Variants in COMMD10 observed in about 807,000 individuals in gnomAD.
COMMD10 encodes COMM domain containing 10, also known as COMM domain-containing protein 10.
COMMD10 carries 33 observed loss-of-function variants against 28.9 expected under a neutral mutation model. The observed-to-expected ratio is 1.14, with a 90% CI of 0.87 to 1.53. The LOEUF (loss-of-function observed/expected upper bound fraction) is 1.53. COMMD10 is among the 40% of genes most tolerant of loss of function. COMMD10 has a pLI of 0.00. For missense variants in COMMD10, 310 were observed against 233.4 expected (o/e 1.33, Z -2.14); for synonymous variants, 110 against 81.7 (o/e 1.35, Z -1.87).
At chr5:116,165,048 C>CTAA (rs1476505448) in intron 5 of COMMD10, among the ~76,000 whole-genome samples, 3 of 152,156 alleles carry the variant, frequency 2.0e-5, no homozygotes, top group African/African-American at 7.2e-5. Flanking sequence ...ATTTTTTAAA[C>CTAA]TTATTTAAGT....
intron 5 of COMMD10, among the ~76,000 whole-genome samples, chr5:116,164,252 A>T (rs1009184419): frequency 6.6e-6 from 1 of 151,602 alleles, no homozygotes; most frequent in Non-Finnish European, 1.5e-5. Flanking sequence ...ACCCAGGAGG[A>T]GGAGTTTGCA....
chr5:116,218,309 A>T (rs1749157904), intron 5 of COMMD10: 3 of 703,982 alleles, frequency 4.3e-6, no homozygotes, highest in Non-Finnish European at 5.3e-6. Context: ...GGTGGCAGTG[A>T]TGGTGGTGGG....
intron 5 of COMMD10, among the ~76,000 whole-genome samples, chr5:116,259,476 T>G (rs929945064): frequency 1.3e-5 from 2 of 151,718 alleles, no homozygotes; most frequent in Non-Finnish European, 1.5e-5. Flanking sequence ...CTGAGTGTTA[T>G]TTCTTCAATA....
intron 4 of COMMD10, among the ~76,000 whole-genome samples, chr5:116,119,334 G>T (rs772871176): frequency 6.6e-6 from 1 of 152,164 alleles, no homozygotes; most frequent in Admixed American, 6.6e-5. Context: ...TAAGGCATTT[G>T]CACTTCTTAT....
chr5:116,203,624 C>G lies in COMMD10; in HGVS notation c.510+69446C>G, dbSNP rs1466923685. 3.9e-5 allele frequency among the ~76,000 whole-genome samples: 6 copies of G among 152,192 alleles called. No individual in the cohort carries two copies. In the East Asian group the frequency reaches 1.2e-3, roughly 29 times the overall value. On this transcript the variant is annotated intron_variant, in intron 5 of 6. Coordinates refer to ENST00000274458, the MANE Select transcript of COMMD10 (RefSeq NM_016144.4). ...GAAAAGAATTTTCAACCCAGAATTT[C>G]ATATCCAACCAAACTAAGCTTCATG...
intron 5 of COMMD10, among the ~76,000 whole-genome samples, chr5:116,200,604 G>A (rs937503914): frequency 6.6e-6 from 1 of 151,230 alleles, no homozygotes; most frequent in Non-Finnish European, 1.5e-5. Context: ...TGGGTTTTTT[G>A]TTTTGTTTTG....
intron 5 of COMMD10, among the ~76,000 whole-genome samples, chr5:116,280,570 T>C (rs774570290): frequency 1.8e-4 from 27 of 151,966 alleles, no homozygotes; most frequent in Middle Eastern, 3.4e-3. Context: ...ACATTCATCT[T>C]TGTATCATGA....
At chr5:116,099,625 A>T (rs1012509532) in intron 4 of COMMD10, among the ~76,000 whole-genome samples, 1 of 151,936 alleles carries the variant, frequency 6.6e-6, no homozygotes, top group African/African-American at 2.4e-5. Context: ...TGTCTTTTTG[A>T]TAATAGGTAT....
At chr5:116,136,433 G>C (rs1169731633) in intron 5 of COMMD10, among the ~76,000 whole-genome samples, 1 of 152,126 alleles carries the variant, frequency 6.6e-6, no homozygotes, top group African/African-American at 2.4e-5. Context: ...AGTCTGCGTA[G>C]CTAAAAGCAT....
chr5:116,196,299 G>A (rs1052526358), intron 5 of COMMD10, among the ~76,000 whole-genome samples: 3 of 152,030 alleles, frequency 2.0e-5, no homozygotes, highest in Non-Finnish European at 2.9e-5. Context: ...TAAGCTATGA[G>A]GACACAGAGG....
intron 4 of COMMD10, among the ~76,000 whole-genome samples, chr5:116,133,036 C>T (rs1038550095): frequency 6.6e-6 from 1 of 152,044 alleles, no homozygotes; most frequent in Non-Finnish European, 1.5e-5. Flanking sequence ...TGCTGTGATT[C>T]TAGCTGTTGA....
chr5:116,237,039 A>G (rs1444810169), intron 5 of COMMD10, among the ~76,000 whole-genome samples: 1 of 152,138 alleles, frequency 6.6e-6, no homozygotes, highest in East Asian at 1.9e-4. Flanking sequence ...TATTGAATAG[A>G]ATGATCAAGG....
At chr5:116,122,679 C>G (rs1465937307) in intron 4 of COMMD10, among the ~76,000 whole-genome samples, 1 of 152,128 alleles carries the variant, frequency 6.6e-6, no homozygotes, top group East Asian at 1.9e-4. Context: ...TGTAGTTCTC[C>G]TTGAAGAGGT....
At chr5:116,113,182 T>A (rs1005690566) in intron 4 of COMMD10, among the ~76,000 whole-genome samples, 2 of 152,194 alleles carry the variant, frequency 1.3e-5, no homozygotes, top group Non-Finnish European at 2.9e-5. Context: ...CTGGGTAGTC[T>A]GCTGTTAGTT....
chr5:116,141,819 G>A (rs933083726), intron 5 of COMMD10, among the ~76,000 whole-genome samples: 9 of 151,800 alleles, frequency 5.9e-5, no homozygotes, highest in Non-Finnish European at 1.2e-4. Flanking sequence ...TTTGTAAGGT[G>A]TATGCTACTT....
intron 4 of COMMD10, among the ~76,000 whole-genome samples, chr5:116,104,917 C>T (rs1324450019): frequency 6.6e-6 from 1 of 152,244 alleles, no homozygotes; most frequent in Non-Finnish European, 1.5e-5. Context: ...CCGCACCCAG[C>T]CTCCTCTTTT....
chr5:116,199,023 G>A (rs1012952954), intron 5 of COMMD10, among the ~76,000 whole-genome samples: 3 of 152,118 alleles, frequency 2.0e-5, no homozygotes, highest in Non-Finnish European at 4.4e-5. Context: ...AGTTTTGTGA[G>A]AAATTGCCAA....
intron 4 of COMMD10, among the ~76,000 whole-genome samples, chr5:116,096,805 A>G (rs1490339487): frequency 6.6e-6 from 1 of 151,830 alleles, no homozygotes; most frequent in African/African-American, 2.4e-5. Context: ...TCATTGCTTC[A>G]TTTTTTATCA....
intron 5 of COMMD10, among the ~76,000 whole-genome samples, chr5:116,140,334 T>C (rs1580481576): frequency 6.6e-6 from 1 of 151,794 alleles, no homozygotes; most frequent in East Asian, 1.9e-4. Context: ...AATTTATCCA[T>C]TGATAGATAG....
Sources: gnomAD v4.1 joint callset for allele counts (sites outside exome capture counted in the v4.1 genomes callset) on GRCh38, gnomAD v4.1.1 for gene constraint, MANE v1.5 for transcripts, NCBI Gene and HGNC (gene_info 2026-07-23, HGNC 2026-07-21) for gene names.